HEATR4: variants seen among roughly 807,000 people sequenced by gnomAD.
HEATR4 encodes HEAT repeat-containing protein 4.
HEATR4 carries 95 observed loss-of-function variants against 108.8 expected under a neutral mutation model. That is an observed-to-expected ratio of 0.87 (90% CI 0.74 to 1.04). The LOEUF (loss-of-function observed/expected upper bound fraction) is 1.04, where lower values mean the gene tolerates loss of function less well. Ranked by LOEUF, HEATR4 falls within the 50% of genes least tolerant of loss-of-function variation. The pLI is 0.00. For missense variants in HEATR4, 1,152 were observed against 1,253.8 expected (o/e 0.92, Z 1.23); for synonymous variants, 443 against 459.4 (o/e 0.96, Z 0.46).
chr14:73,506,802 C>CTTTTTTTTTTTTTTTTTTTTT (rs1470976246), intron 9 of HEATR4, among the ~76,000 whole-genome samples: 21 of 58,008 alleles, frequency 3.6e-4, no homozygotes, highest in East Asian at 1.8e-3. Flanking sequence ...CTGACTTTAA[C>CTTTTTTTTTTTTTTTTTTTTT]TGTTTTTTTT....
intron 4 of HEATR4, chr14:73,520,011 A>G (rs1887882701): frequency 6.6e-6 from 1 of 152,210 alleles, no homozygotes; most frequent in Non-Finnish European, 1.5e-5. Flanking sequence ...AACAAAAGAA[A>G]AGAACCTATG....
At chr14:73,480,358 T>A (rs1885201618) in intron 17 of HEATR4, among the ~76,000 whole-genome samples, 1 of 152,122 alleles carries the variant, frequency 6.6e-6, no homozygotes, top group Admixed American at 6.6e-5. Flanking sequence ...GAAGAATCGC[T>A]TGAACCAGGA....
chr14:73,512,186 T>A (rs769698639), intron 6 of HEATR4, 37 bp from the exon 7 acceptor site: 3 of 1,611,760 alleles, frequency 1.9e-6, no homozygotes, highest in Non-Finnish European at 2.5e-6. Context: ...GAGAACCACC[T>A]GGTTAGGGTT....
the HEATR4 span, chr14:73,612,696 A>C: frequency 1.4e-6 from 2 of 1,402,618 alleles, no homozygotes; most frequent in Non-Finnish European, 1.8e-6. Flanking sequence ...CGCGACGAAG[A>C]GGGCGCGCTC....
chr14:73,579,307 T>C, the HEATR4 span, among the ~76,000 whole-genome samples: 7 of 134,170 alleles, frequency 5.2e-5, no homozygotes, highest in African/African-American at 1.9e-4. Context: ...CTGGGTGTGG[T>C]GGCTCATGCC....
chr14:73,571,656 C>T, the HEATR4 span: 1,756 of 151,272 alleles, frequency 0.012, 55 homozygotes, highest in African/African-American at 0.04. Context: ...GCTGCCAGCA[C>T]GCGGTCCCTG....
the HEATR4 span, chr14:73,592,304 G>A: frequency 1.9e-6 from 3 of 1,611,504 alleles, no homozygotes; most frequent in Non-Finnish European, 2.5e-6. Flanking sequence ...ACGACCCCGA[G>A]CCTGGACGGC....
chr14:73,498,572 T>C (rs1305903364), intron 13 of HEATR4, among the ~76,000 whole-genome samples: 3 of 152,166 alleles, frequency 2.0e-5, no homozygotes, highest in Non-Finnish European at 4.4e-5. Flanking sequence ...GGATGAAATA[T>C]AGAACAAATA....
rs1190225074 is a variant in HEATR4, at chr14:73,537,435, T to C, written c.-151-7191A>G. The C allele has an allele frequency of 1.6e-6, 2 of 1,233,730 alleles. 1 individual carries two copies. Among genetic ancestry groups the C allele is most frequent in the Admixed American group, 5.2e-5 (2 of 38,786 alleles). 76.4% of individuals were successfully genotyped at this position (1,233,730 alleles called of 1,614,324 possible). ...GTTCCTGCTCGGATGGCGGCGACGCTGATCCTGGAGCCCGCGGGCCGCTGC... is the reference window on the plus strand; with the variant it reads ...GTTCCTGCTCGGATGGCGGCGACGCCGATCCTGGAGCCCGCGGGCCGCTGC... On this transcript the variant is annotated intron_variant, in intron 1 of 17. Transcript: ENST00000553558.
the HEATR4 span, chr14:73,612,764 G>T: frequency 7.3e-7 from 1 of 1,369,452 alleles, no homozygotes; most frequent in Non-Finnish European, 9.4e-7. Flanking sequence ...CCTGGAGCGC[G>T]CGCCCGCGCT....
In HEATR4 at chr14:73,533,354, A is replaced by G. The variant is rs1489590028; in HGVS notation, c.-151-3110T>C. 1.7e-5 allele frequency among the ~76,000 whole-genome samples: 2 copies of G among 115,618 alleles called. 1 individual carries two copies. The highest frequency in any genetic ancestry group is 5.6e-5 in the African/African-American group (2 of 35,456). 75.8% of individuals were successfully genotyped at this position (115,618 alleles called of 152,430 possible). On this transcript the variant is annotated intron_variant, in intron 1 of 17. Coordinates refer to ENST00000553558, the MANE Select transcript of HEATR4 (RefSeq NM_001220484.1). Reference sequence around the variant, plus strand: ...AATGGATAAACAAAATGTGGAAGATACATACAACAGAATGTTATTCAGCCT... The same window carrying G: ...AATGGATAAACAAAATGTGGAAGATGCATACAACAGAATGTTATTCAGCCT...
the HEATR4 span, among the ~76,000 whole-genome samples, chr14:73,591,540 TC>T: frequency 6.7e-6 from 1 of 149,884 alleles, no homozygotes; most frequent in Non-Finnish European, 1.5e-5. Flanking sequence ...AGACTCTGTT[TC>T]AAAAAAAAAA....
At chr14:73,569,740 A>G in the HEATR4 span, 1 of 1,609,412 alleles carries the variant, frequency 6.2e-7, no homozygotes, top group South Asian at 1.1e-5. Context: ...TTGGCCGTGG[A>G]GCTGGAGGTG....
the HEATR4 span, among the ~76,000 whole-genome samples, chr14:73,604,817 A>G: frequency 3.9e-5 from 6 of 152,324 alleles, no homozygotes; most frequent in African/African-American, 1.4e-4. Context: ...TACTGGCCTC[A>G]GGGTGGAGCC....
intron 11 of HEATR4, among the ~76,000 whole-genome samples, chr14:73,501,996 C>T (rs889436569): frequency 1.3e-5 from 2 of 151,580 alleles, no homozygotes; most frequent in Non-Finnish European, 2.9e-5. Context: ...CCACCCGCCT[C>T]GGCCTCCCAA....
chr14:73,514,696 T>G (rs1294538741), intron 5 of HEATR4, among the ~76,000 whole-genome samples: 4 of 152,196 alleles, frequency 2.6e-5, no homozygotes, highest in Non-Finnish European at 5.9e-5. Flanking sequence ...ATTTTAAAGA[T>G]TTTAACATCT....
At chr14:73,518,766 G>A (rs927356478) in intron 5 of HEATR4, among the ~76,000 whole-genome samples, 1 of 152,234 alleles carries the variant, frequency 6.6e-6, no homozygotes, top group Admixed American at 6.5e-5. Flanking sequence ...GTAACTAGTG[G>A]CCCTAAACCA....
At chr14:73,622,752 C>G in the HEATR4 span, among the ~76,000 whole-genome samples, 1 of 151,744 alleles carries the variant, frequency 6.6e-6, no homozygotes, top group Non-Finnish European at 1.5e-5. Flanking sequence ...ATTTGAAATG[C>G]AGTAAAGCAA....
At chr14:73,573,915 C>G in the HEATR4 span, among the ~76,000 whole-genome samples, 16 of 151,932 alleles carry the variant, frequency 1.1e-4, 2 homozygotes, top group Non-Finnish European at 1.9e-4. Flanking sequence ...TTAGTGGAGG[C>G]GGGGTTTCAC....
Sources: gnomAD v4.1 joint callset for allele counts (sites outside exome capture counted in the v4.1 genomes callset) on GRCh38, gnomAD v4.1.1 for gene constraint, MANE v1.5 for transcripts, NCBI Gene and HGNC (gene_info 2026-07-23, HGNC 2026-07-21) for gene names.